Variants in PLEKHA7 observed in about 807,000 individuals in gnomAD.
PLEKHA7 encodes the protein pleckstrin homology domain containing A7.
A neutral mutation model predicts 170.0 loss-of-function variants in PLEKHA7; 104 were observed. The observed-to-expected ratio is 0.61, with a 90% CI of 0.52 to 0.72. The LOEUF is 0.72. Ranked by LOEUF, PLEKHA7 falls within the 30% of genes least tolerant of loss-of-function variation. The pLI, the probability that PLEKHA7 is intolerant of heterozygous loss-of-function variation, is 0.00. For missense variants in PLEKHA7, 1,615 were observed against 1,671.7 expected (o/e 0.97, Z 0.59); for synonymous variants, 648 against 660.8 (o/e 0.98, Z 0.30).
chr11:16,834,062 G>A (rs1299562991), intron 9 of PLEKHA7, among the ~76,000 whole-genome samples: 1 of 152,148 alleles, frequency 6.6e-6, no homozygotes, highest in Non-Finnish European at 1.5e-5. Flanking sequence ...CCAGGCTGGA[G>A]TGCAGTGGCG....
Position 16,870,813 on chromosome 11 carries a change from T to C in PLEKHA7, c.305+286A>G, listed in dbSNP as rs577945492. On this transcript the variant is annotated intron_variant, in intron 4 of 26. Coordinates refer to ENST00000531066, the MANE Select transcript of PLEKHA7 (RefSeq NM_001329630.2). ...AACAGGGCTAATGTGCCAGAAGATA[T>C]AGCAGGAGAAAGGGTTCATTCAGGG... Among the ~76,000 whole-genome samples, 10 of 152,176 alleles carry C rather than the reference T, an allele frequency of 6.6e-5. No individual in the cohort carries two copies. In the South Asian group the frequency reaches 1.5e-3, roughly 22 times the overall value.
rs1180313968 is a variant in PLEKHA7 at position 16,981,022 on chromosome 11, A to G, written c.221+32967T>C. ...GCCTTTGATACCTTCAATAAACACA[A>G]GTCCCTCCTCTTTATGCAGAGAGAT... On this transcript the variant is annotated intron_variant, in intron 3 of 26. Transcript: ENST00000531066. 3.3e-5 allele frequency among the ~76,000 whole-genome samples: 5 copies of G among 152,166 alleles called. No individual in the cohort carries two copies. In the South Asian group the frequency reaches 1.0e-3, roughly 31 times the overall value.
chr11:16,822,994 T>C (rs1850361824), intron 10 of PLEKHA7, among the ~76,000 whole-genome samples: 1 of 151,790 alleles, frequency 6.6e-6, no homozygotes, highest in African/African-American at 2.4e-5. Flanking sequence ...TATTTATTTA[T>C]TTATTTATTT....
At chr11:16,779,150 C>A in intron 26 of PLEKHA7, 130 bp from the exon 27 acceptor site, 1 of 682,472 alleles carries the variant, frequency 1.5e-6, no homozygotes, top group South Asian at 1.5e-5. Flanking sequence ...AATGCGGCCG[C>A]TGCTGGGGGA....
intron 3 of PLEKHA7, among the ~76,000 whole-genome samples, chr11:16,923,189 C>T (rs1859225753): frequency 1.3e-5 from 2 of 152,212 alleles, no homozygotes. Flanking sequence ...GGGCCATTAT[C>T]CACAAATATG....
At chr11:17,010,008 T>C (rs557956862) in intron 3 of PLEKHA7, among the ~76,000 whole-genome samples, 8 of 152,276 alleles carry the variant, frequency 5.3e-5, no homozygotes, top group Non-Finnish European at 8.8e-5. Flanking sequence ...ATACATTTTG[T>C]CCCTCATTAA....
intron 3 of PLEKHA7, among the ~76,000 whole-genome samples, chr11:16,987,145 T>C (rs1254904370): frequency 6.6e-6 from 1 of 152,214 alleles, no homozygotes; most frequent in Non-Finnish European, 1.5e-5. Context: ...AGAAAGAATG[T>C]GTGGGCTGTA....
chr11:16,921,883 G>A (rs572230373), intron 3 of PLEKHA7, among the ~76,000 whole-genome samples: 4 of 152,338 alleles, frequency 2.6e-5, no homozygotes, highest in Admixed American at 1.3e-4. Flanking sequence ...AAAAGGACTC[G>A]TCTAGAGTCA....
chr11:16,840,282 C>T (rs776940293), intron 9 of PLEKHA7, among the ~76,000 whole-genome samples: 23 of 152,144 alleles, frequency 1.5e-4, no homozygotes, highest in African/African-American at 2.2e-4. Context: ...AAAGACAGGC[C>T]GGGCGTGGTG....
chr11:17,013,008 CCAGT>C (rs34794528), intron 3 of PLEKHA7: 96,257 of 151,776 alleles, frequency 0.63, 31,155 homozygotes, highest in East Asian at 0.96. Context: ...CGAGGTACAC[CCAGT>C]CAGTACTAGT....
chr11:16,964,261 A>G (rs903649765), intron 3 of PLEKHA7, among the ~76,000 whole-genome samples: 14 of 152,346 alleles, frequency 9.2e-5, no homozygotes, highest in African/African-American at 3.4e-4. Context: ...TACCATGAAT[A>G]ATGCTGCAAT....
rs376139646 is a variant in PLEKHA7 at position 16,803,267 on chromosome 11, C to A, written c.2036G>T (p.Arg679Leu). ...AGCGATCTTCACAGGCTTCAGACTT[C>A]GATCCTTGAGAAGGTCCCGGCCTGT... Reference protein sequence around the residue: ...KMTGRDLLKDRSLKPVKIAES... With the variant: ...KMTGRDLLKDLSLKPVKIAES... The change falls in exon 14 of 27, where the codon CGA becomes CTA. Residue 679 changes from arginine to leucine, a missense_variant. Coordinates refer to ENST00000531066, the MANE Select transcript of PLEKHA7 (RefSeq NM_001329630.2). 1.9e-6 allele frequency: 3 copies of A among 1,613,858 alleles called. No homozygotes were observed. The highest frequency in any genetic ancestry group is 2.5e-6 in the Non-Finnish European group (3 of 1,179,868).
At chr11:16,837,926 T>G (rs1851646273) in intron 9 of PLEKHA7, among the ~76,000 whole-genome samples, 1 of 151,926 alleles carries the variant, frequency 6.6e-6, no homozygotes, top group African/African-American at 2.4e-5. Context: ...GGTGCCCCAG[T>G]GACATAAGGG....
chr11:16,886,690 G>A, intron 3 of PLEKHA7, among the ~76,000 whole-genome samples: 1 of 133,478 alleles, frequency 7.5e-6, no homozygotes, highest in African/African-American at 2.9e-5. Context: ...CAGCCTGGGT[G>A]ACACAGCGAG....
At position 16,789,194 on chromosome 11, in the gene PLEKHA7, G is replaced by A. The variant is rs1177552599; in HGVS notation, c.3259C>T (p.Leu1087=). The A allele has an allele frequency of 1.2e-6, 2 of 1,613,174 alleles. No individual in the cohort carries two copies. Among genetic ancestry groups the A allele is most frequent in the Non-Finnish European group, 1.7e-6 (2 of 1,180,062 alleles). Residue 1087 remains leucine, a synonymous_variant, in exon 23 of 27, where the codon CTG becomes TTG. Transcript: ENST00000531066. The surrounding 1 kb of genome is among the most constrained non-coding windows in gnomAD (Gnocchi z 4.6). ...AGTGTCCTCTTGCGCTCTCGGACCA[G>A]GGCCTTCTGGTGTCGCTTCATGCGC... ...LERMKRHQKA[L]VRERKRTLGQ...
chr11:16,972,032 A>C (rs11024094), intron 3 of PLEKHA7, among the ~76,000 whole-genome samples: 42,117 of 151,958 alleles, frequency 0.28, 7,168 homozygotes, highest in East Asian at 0.58. Context: ...TCATGTTGGC[A>C]GGCTGGTCTT....
intron 3 of PLEKHA7, among the ~76,000 whole-genome samples, chr11:16,883,010 G>C (rs183237367): frequency 1.3e-5 from 2 of 152,228 alleles, no homozygotes; most frequent in East Asian, 3.9e-4. Context: ...AGAGGAAACT[G>C]AGGCCCAAAG....
chr11:16,830,596 A>G (rs1457487721), intron 9 of PLEKHA7, among the ~76,000 whole-genome samples: 1 of 152,254 alleles, frequency 6.6e-6, no homozygotes, highest in Non-Finnish European at 1.5e-5. Context: ...AGAGGAAATG[A>G]AGGATTCTTC....
At chr11:16,983,146 A>C (rs762539185) in intron 3 of PLEKHA7, among the ~76,000 whole-genome samples, 8 of 152,158 alleles carry the variant, frequency 5.3e-5, no homozygotes, top group Non-Finnish European at 1.2e-4. Flanking sequence ...AGAGGACTAT[A>C]ACTGACTCAC....
Sources: allele counts gnomAD v4.1 joint callset (sites outside exome capture counted in the v4.1 genomes callset), GRCh38; gene constraint gnomAD v4.1.1; non-coding constraint Gnocchi (gnomAD v3.1); transcripts MANE v1.5; gene names NCBI Gene and HGNC (gene_info 2026-07-23, HGNC 2026-07-21).